The following PTGER3 variants were observed in gnomAD, a reference collection of about 807,000 sequenced individuals.
PTGER3 encodes prostaglandin E2 receptor EP3 subtype.
In PTGER3, 22 loss-of-function variants were observed where a neutral mutation model predicts 34.7. The ratio of observed to expected loss-of-function variants is 0.63; its 90% CI spans 0.45 to 0.91. The LOEUF is 0.91. Among genes scored for constraint, PTGER3 ranks in the 40% least tolerant of loss-of-function variants. The pLI, the probability that PTGER3 is intolerant of heterozygous loss-of-function variation, is 0.00. For missense variants in PTGER3, 468 were observed against 519.4 expected, an observed-to-expected ratio of 0.90 and a Z score of 0.96; for synonymous variants, 241 against 230.1, an observed-to-expected ratio of 1.05 and a Z score of -0.43.
At chr1:70,918,825 T>C (rs1223575407) in intron 4 of PTGER3, among the ~76,000 whole-genome samples, 1 of 152,072 alleles carries the variant, frequency 6.6e-6, no homozygotes, top group Non-Finnish European at 1.5e-5. Flanking sequence ...AAATGATGAT[T>C]GCTAATATAT....
At chr1:70,912,188 TTCTCAAAG>T (rs1182417644) in intron 4 of PTGER3, among the ~76,000 whole-genome samples, 1 of 152,108 alleles carries the variant, frequency 6.6e-6, no homozygotes, top group Non-Finnish European at 1.5e-5. Context: ...TTTTCCCATC[TTCTCAAAG>T]TCTACACAGC....
chr1:70,935,672 A>AATATATATATATATATATAT (rs10577850), intron 4 of PTGER3, among the ~76,000 whole-genome samples: 18 of 140,208 alleles, frequency 1.3e-4, no homozygotes, highest in African/African-American at 4.7e-4. Context: ...TACAAATATA[A>AATATATATATATATATATAT]ATATATATAT....
chr1:70,994,208 C>T (rs1015661828), intron 2 of PTGER3, among the ~76,000 whole-genome samples: 2 of 152,158 alleles, frequency 1.3e-5, no homozygotes, highest in Non-Finnish European at 2.9e-5. Context: ...CTTCATATCA[C>T]CTCAGAAACT....
chr1:70,934,999 C>T (rs950882866), intron 4 of PTGER3, among the ~76,000 whole-genome samples: 1 of 152,110 alleles, frequency 6.6e-6, no homozygotes, highest in Non-Finnish European at 1.5e-5. Context: ...TAAACAGATC[C>T]ATCTTGTACA....
rs1173073008 is a variant in PTGER3 at position 70,857,131 on chromosome 1, G to A, written c.*24-4272C>T. On this transcript the variant is annotated intron_variant, in intron 4 of 4. Coordinates refer to the PTGER3 transcript ENST00000370931. ...TAGAACACACAAGAGGAGAAGGAAC[G>A]TCTTTTGTAGTTACTTATATTTGTT... Among the ~76,000 whole-genome samples, 11 of 152,274 alleles carry A rather than the reference G, an allele frequency of 7.2e-5. No individual in the cohort carries two copies. In the East Asian group the frequency reaches 1.3e-3, roughly 19 times the overall value.
chr1:70,875,288 G>A (rs17131475), intron 4 of PTGER3, among the ~76,000 whole-genome samples: 2 of 152,144 alleles, frequency 1.3e-5, no homozygotes, highest in Non-Finnish European at 1.5e-5. Flanking sequence ...ACAGGTTACT[G>A]TCCTGCTGTT....
intron 4 of PTGER3, among the ~76,000 whole-genome samples, chr1:70,879,433 G>A (rs1360735676): frequency 6.6e-6 from 1 of 152,016 alleles, no homozygotes; most frequent in Non-Finnish European, 1.5e-5. Context: ...TTTTAGTAGA[G>A]ATGGAGTTTT....
At chr1:70,911,024 A>C (rs1017413181) in intron 4 of PTGER3, among the ~76,000 whole-genome samples, 11 of 151,688 alleles carry the variant, frequency 7.3e-5, no homozygotes, top group Admixed American at 5.9e-4. Context: ...AGGTTGCAGT[A>C]AGCTGAGATT....
intron 4 of PTGER3, among the ~76,000 whole-genome samples, chr1:70,930,678 C>T (rs1276160585): frequency 1.3e-5 from 2 of 152,152 alleles, no homozygotes; most frequent in African/African-American, 4.8e-5. Context: ...GCAGAAACCA[C>T]TGATAAACCC....
At position 70,975,989 on chromosome 1, in the gene PTGER3, T is replaced by A. The variant is rs184583452; in HGVS notation, c.1078-1601A>T. Among the ~76,000 whole-genome samples the A allele has an allele frequency of 3.3e-5, 5 of 152,264 alleles. No homozygotes were observed. The East Asian group carries it at 9.7e-4, about 29-fold the overall frequency. Reference sequence around the variant, plus strand: ...GCTATTATGCTGCTTGGTTCTTATTTAGAGGCCTGCTTTAACTAAGGAAAT... The same window carrying A: ...GCTATTATGCTGCTTGGTTCTTATTAAGAGGCCTGCTTTAACTAAGGAAAT... On this transcript the variant is annotated intron_variant, in intron 2 of 3. Transcript: ENST00000306666.
intron 1 of PTGER3, among the ~76,000 whole-genome samples, chr1:71,033,665 G>C (rs370522367): frequency 6.6e-6 from 1 of 151,344 alleles, no homozygotes; most frequent in East Asian, 1.9e-4. Flanking sequence ...TCTCAGCTTT[G>C]TTTCTTTTTT....
In PTGER3 at chr1:70,911,941, C is replaced by G. The variant is rs17090677; in HGVS notation, c.*23+41822G>C. Among the ~76,000 whole-genome samples the G allele has an allele frequency of 2.8e-3, 431 of 152,162 alleles. 13 individuals are homozygous for G. The East Asian group carries it at 0.073, about 26-fold the overall frequency. The stretch of plus-strand genomic sequence containing the variant: ...TTGCAGACCTGTAAAATTTTTTGTA[C>G]TTTCGTGATCCCAAATATTCACCAT... On this transcript the variant is annotated intron_variant, in intron 4 of 4. Coordinates refer to the PTGER3 transcript ENST00000370931.
intron 4 of PTGER3, among the ~76,000 whole-genome samples, chr1:70,869,691 G>T (rs1208419278): frequency 6.6e-6 from 1 of 152,220 alleles, no homozygotes. Context: ...TTGAAACCCA[G>T]CAGGGCAGTC....
At chr1:71,005,806 T>C in intron 2 of PTGER3, 1 of 938,370 alleles carries the variant, frequency 1.1e-6, no homozygotes, top group South Asian at 4.9e-5. Flanking sequence ...GGCCTGTAGG[T>C]TTACCAGCAT....
intron 4 of PTGER3, among the ~76,000 whole-genome samples, chr1:70,905,639 T>C (rs1466814564): frequency 2.6e-5 from 4 of 152,126 alleles, no homozygotes; most frequent in Non-Finnish European, 5.9e-5. Flanking sequence ...ATTTGTTTCA[T>C]TGGGAGTGGC....
chr1:70,863,100 A>T (rs1645963435), intron 4 of PTGER3, among the ~76,000 whole-genome samples: 1 of 151,928 alleles, frequency 6.6e-6, no homozygotes, highest in Middle Eastern at 3.4e-3. Context: ...GAAAGAGATG[A>T]TGGGCCATAA....
chr1:70,917,999 G>A (rs1304182108), intron 4 of PTGER3, among the ~76,000 whole-genome samples: 1 of 151,862 alleles, frequency 6.6e-6, no homozygotes, highest in Non-Finnish European at 1.5e-5. Context: ...GTTTGCAAAT[G>A]CTTCTCCCAT....
chr1:70,871,900 T>C (rs1041315394), intron 4 of PTGER3, among the ~76,000 whole-genome samples: 1 of 152,176 alleles, frequency 6.6e-6, no homozygotes, highest in Admixed American at 6.6e-5. Flanking sequence ...AGTTAAAGTA[T>C]GCTCTCCCCT....
intron 2 of PTGER3, among the ~76,000 whole-genome samples, chr1:70,993,867 A>C (rs1442570240): frequency 6.6e-6 from 1 of 152,212 alleles, no homozygotes; most frequent in African/African-American, 2.4e-5. Flanking sequence ...AGAATTTCTA[A>C]ATGTGAACAG....
Sources: gnomAD v4.1 joint callset for allele counts (sites outside exome capture counted in the v4.1 genomes callset) on GRCh38, gnomAD v4.1.1 for gene constraint, MANE v1.5 for transcripts, NCBI Gene and HGNC (gene_info 2026-07-23, HGNC 2026-07-21) for gene names.